The following KIAA1328 variants were observed in gnomAD, a reference collection of about 807,000 sequenced individuals.
The protein encoded by KIAA1328 is KIAA1328.
In KIAA1328, 52 loss-of-function variants were observed where a neutral mutation model predicts 68.1. The observed-to-expected ratio is 0.76, with a 90% CI of 0.61 to 0.96. The LOEUF (loss-of-function observed/expected upper bound fraction) is 0.96. Among genes scored for constraint, KIAA1328 ranks in the 40% least tolerant of loss-of-function variants. The probability of loss-of-function intolerance (pLI) is 0.00; values close to 1 mark genes in which losing one functional copy is unlikely to be tolerated. For synonymous variants in KIAA1328, 232 were observed against 239.4 expected (o/e 0.97, Z 0.28); for missense variants, 641 against 677.6 (o/e 0.95, Z 0.60).
Position 37,026,419 on chromosome 18 carries a change from A to G in KIAA1328, c.577-40471A>G, listed in dbSNP as rs369340038. 1.5e-4 allele frequency among the ~76,000 whole-genome samples: 23 copies of G among 152,286 alleles called. No homozygotes were observed. The East Asian group carries it at 3.3e-3, about 22-fold the overall frequency. ...ACCAAAGCCTGGCAGAGACACAACAAAAAAAGAGAATTTTAGACCAATATC... is the reference window on the plus strand; with the variant it reads ...ACCAAAGCCTGGCAGAGACACAACAGAAAAAGAGAATTTTAGACCAATATC... On this transcript the variant is annotated intron_variant, in intron 6 of 9. Coordinates refer to ENST00000280020, the MANE Select transcript of KIAA1328 (RefSeq NM_020776.3).
chr18:37,203,651 T>C (rs1568530089), intron 9 of KIAA1328, among the ~76,000 whole-genome samples: 1 of 152,220 alleles, frequency 6.6e-6, no homozygotes, highest in African/African-American at 2.4e-5. Flanking sequence ...TCTGTGAGGA[T>C]AACATCTGGT....
At chr18:37,007,208 G>GT (rs2053815935) in intron 6 of KIAA1328, among the ~76,000 whole-genome samples, 1 of 152,082 alleles carries the variant, frequency 6.6e-6, no homozygotes, top group Non-Finnish European at 1.5e-5. Context: ...AAATCCTTTT[G>GT]TCTTGGCTTC....
chr18:36,848,461 A>AAT (rs778546423), intron 4 of KIAA1328, among the ~76,000 whole-genome samples: 2 of 149,332 alleles, frequency 1.3e-5, no homozygotes, highest in African/African-American at 2.5e-5. Flanking sequence ...TTTTTGGTAG[A>AAT]ATCCTTTGGA....
At chr18:36,981,266 G>T (rs1395820522) in intron 6 of KIAA1328, among the ~76,000 whole-genome samples, 1 of 152,036 alleles carries the variant, frequency 6.6e-6, no homozygotes, top group Non-Finnish European at 1.5e-5. Flanking sequence ...AGAAAAGAAA[G>T]ATCTAAGTGA....
At chr18:37,016,076 A>G (rs539148525) in intron 6 of KIAA1328, among the ~76,000 whole-genome samples, 44 of 152,208 alleles carry the variant, frequency 2.9e-4, no homozygotes, top group Admixed American at 8.5e-4. Context: ...GTTTTGTTTC[A>G]GTTATCAAGG....
At chr18:37,064,061 TTAATG>T (rs1242742714) in intron 6 of KIAA1328, among the ~76,000 whole-genome samples, 1 of 152,132 alleles carries the variant, frequency 6.6e-6, no homozygotes, top group Non-Finnish European at 1.5e-5. Context: ...GTAGGAGAGA[TTAATG>T]TAGACTAGAG....
intron 5 of KIAA1328, among the ~76,000 whole-genome samples, chr18:36,888,858 A>C (rs1197313711): frequency 6.6e-6 from 1 of 152,212 alleles, no homozygotes; most frequent in Non-Finnish European, 1.5e-5. Context: ...TCTTACATAT[A>C]CATGAAATCA....
At chr18:37,010,147 A>G (rs942602187) in intron 6 of KIAA1328, among the ~76,000 whole-genome samples, 7 of 152,098 alleles carry the variant, frequency 4.6e-5, no homozygotes, top group African/African-American at 1.7e-4. Context: ...TTGCTTAGAG[A>G]ATAAAGATAT....
intron 7 of KIAA1328, among the ~76,000 whole-genome samples, chr18:37,119,023 T>A (rs1385474286): frequency 6.6e-6 from 1 of 152,188 alleles, no homozygotes; most frequent in Non-Finnish European, 1.5e-5. Flanking sequence ...ATCAGAAGAT[T>A]TCATGAACAT....
chr18:37,230,136 GAATAT>G (rs879842316), downstream of KIAA1328: 2 of 152,196 alleles, frequency 1.3e-5, no homozygotes, highest in Non-Finnish European at 2.9e-5. Context: ...GTTCAGCATA[GAATAT>G]AATAAGCACT....
chr18:37,156,426 C>CCT (rs2059153894), intron 7 of KIAA1328, among the ~76,000 whole-genome samples: 2 of 36,106 alleles, frequency 5.5e-5, no homozygotes, highest in Non-Finnish European at 1.2e-4. Flanking sequence ...AACTCCGCCT[C>CCT]AAAAAAAAAA....
At chr18:36,882,826 A>C (rs1183705864) in intron 4 of KIAA1328, among the ~76,000 whole-genome samples, 1 of 152,182 alleles carries the variant, frequency 6.6e-6, no homozygotes, top group African/African-American at 2.4e-5. Context: ...ATTTACATTA[A>C]TGTTAAGGTA....
intron 7 of KIAA1328, among the ~76,000 whole-genome samples, chr18:37,081,933 C>T (rs2056961078): frequency 6.6e-6 from 1 of 152,098 alleles, no homozygotes; most frequent in Non-Finnish European, 1.5e-5. Flanking sequence ...TGTCCAAAAT[C>T]AGCACCTTAT....
downstream of KIAA1328, among the ~76,000 whole-genome samples, chr18:37,227,713 T>C (rs1028552231): frequency 1.3e-5 from 2 of 152,200 alleles, no homozygotes; most frequent in Admixed American, 1.3e-4. Context: ...CCCAAGACCT[T>C]TGATTAATAT....
intron 6 of KIAA1328, among the ~76,000 whole-genome samples, chr18:37,002,753 T>C (rs1169212228): frequency 6.6e-6 from 1 of 151,856 alleles, no homozygotes; most frequent in East Asian, 1.9e-4. Context: ...TGTCATTAAG[T>C]TGACCATATT....
At chr18:36,931,538 T>C (rs1460478268) in intron 5 of KIAA1328, among the ~76,000 whole-genome samples, 3 of 152,106 alleles carry the variant, frequency 2.0e-5, no homozygotes, top group Non-Finnish European at 4.4e-5. Flanking sequence ...CGGTCCTTGA[T>C]GCCAAAAAGC....
At position 36,872,066 on chromosome 18, in the gene KIAA1328, T is replaced by C. The variant is rs563093366; in HGVS notation, c.333-13491T>C. On this transcript the variant is annotated intron_variant, in intron 4 of 9. Coordinates refer to ENST00000280020, the MANE Select transcript of KIAA1328 (RefSeq NM_020776.3). Reference sequence around the variant, plus strand: ...AGTTCCTGGGTCCTTCTCCTCTATCTTCCCTGTGTAACAAAAAACATAGTT... The same window carrying C: ...AGTTCCTGGGTCCTTCTCCTCTATCCTCCCTGTGTAACAAAAAACATAGTT... Among the ~76,000 whole-genome samples the C allele has an allele frequency of 5.9e-5, 9 of 152,262 alleles. No homozygotes were observed. In the South Asian group the frequency reaches 1.9e-3, roughly 32 times the overall value.
At chr18:37,073,802 G>A (rs925782256) in intron 7 of KIAA1328, among the ~76,000 whole-genome samples, 8 of 152,198 alleles carry the variant, frequency 5.3e-5, no homozygotes, top group South Asian at 2.1e-4. Context: ...GCTTTTTGCA[G>A]CATTTTTATG....
chr18:36,831,006 G>A (rs1362670948), intron 1 of KIAA1328, among the ~76,000 whole-genome samples: 6 of 152,140 alleles, frequency 3.9e-5, no homozygotes. Context: ...ATTTGTTACT[G>A]AATATTTGCT....
Sources: gnomAD v4.1 joint callset for allele counts (sites outside exome capture counted in the v4.1 genomes callset) on GRCh38, gnomAD v4.1.1 for gene constraint, MANE v1.5 for transcripts, NCBI Gene and HGNC (gene_info 2026-07-23, HGNC 2026-07-21) for gene names.